Variants in SYNE3 observed in about 807,000 individuals in gnomAD.
SYNE3 encodes the protein spectrin repeat containing nuclear envelope family member 3.
Under a neutral mutation model 111.2 loss-of-function variants are expected in SYNE3, and 100 were observed. The ratio of observed to expected loss-of-function variants is 0.90; its 90% CI spans 0.77 to 1.06. The LOEUF is 1.06. Ranked by LOEUF, SYNE3 falls within the 50% of genes least tolerant of loss-of-function variation. SYNE3 has a pLI of 0.00. For synonymous variants in SYNE3, 547 were observed against 533.9 expected (o/e 1.02, Z -0.34); for missense variants, 1,160 against 1,240.3 (o/e 0.94, Z 0.97).
Position 95,440,055 on chromosome 14 carries a change from C to T in SYNE3, c.1932G>A (p.Arg644=). 3 of 1,605,672 alleles carry T rather than the reference C, an allele frequency of 1.9e-6. No individual in the cohort carries two copies. Among genetic ancestry groups the T allele is most frequent in the Non-Finnish European group, 1.7e-6 (2 of 1,179,394 alleles). The change falls in exon 12 of 18, where the codon CGG becomes CGA. Residue 644 remains arginine (R), a synonymous_variant. Coordinates refer to ENST00000682763, the MANE Select transcript of SYNE3 (RefSeq NM_152592.6). ...RSLEDLVDRC[R]QSVQEHCTFS... ...AGGTGCAGTGCTCCTGCACACTCTG[C>T]CGACACCTGTCCACAAGGTCCTGCA...
At position 95,409,332 on chromosome 14, in the gene SYNE3, GT is replaced by G; in HGVS notation, c.*8493del. Reference sequence around the variant, plus strand: ...ACCATATTGCAGGCGCTCGGGGTATGTTTTCTTCCCTCCCTTTCTCATCAGA... The same window carrying G: ...ACCATATTGCAGGCGCTCGGGGTATGTTTCTTCCCTCCCTTTCTCATCAGA... On this transcript the variant is annotated 3_prime_UTR_variant, in exon 18 of 18. Transcript: ENST00000682763. 2.2e-6 allele frequency: 1 copy of G among 456,746 alleles called. No individual in the cohort carries two copies. Among genetic ancestry groups the G allele is most frequent in the Non-Finnish European group, 4.4e-6 (1 of 226,976 alleles). The allele number at this position is 456,746 out of a possible 1,614,324, so 28.3% of individuals were successfully genotyped here.
intron 1 of SYNE3, among the ~76,000 whole-genome samples, chr14:95,481,136 G>A (rs577576138): frequency 3.9e-5 from 6 of 152,374 alleles, no homozygotes; most frequent in Non-Finnish European, 5.9e-5. Flanking sequence ...AGATAAGAAT[G>A]CGCAGACTGC....
At chr14:95,429,247 C>T (rs936962012) in intron 17 of SYNE3, among the ~76,000 whole-genome samples, 4 of 152,332 alleles carry the variant, frequency 2.6e-5, no homozygotes, top group Non-Finnish European at 5.9e-5. Context: ...ACTTGAGAAC[C>T]TACTATGTGC....
intron 1 of SYNE3, among the ~76,000 whole-genome samples, chr14:95,498,029 T>TAA (rs59849522): frequency 5.2e-5 from 7 of 135,326 alleles, no homozygotes; most frequent in Non-Finnish European, 3.2e-5. Context: ...TCCCAACTCT[T>TAA]AAAAAAAAAA....
At chr14:95,442,758 G>A (rs1212465705) in intron 11 of SYNE3, among the ~76,000 whole-genome samples, 2 of 152,220 alleles carry the variant, frequency 1.3e-5, no homozygotes, top group Non-Finnish European at 2.9e-5. Context: ...CAAGGGACCC[G>A]AGGCCGCCTG....
Position 95,436,801 on chromosome 14 carries a change from C to A in SYNE3, c.2538+19G>T, listed in dbSNP as rs192178494. 2.9e-4 allele frequency: 467 copies of A among 1,612,760 alleles called. 1 individual carries two copies. In the African/African-American group the frequency reaches 4.9e-3, roughly 17 times the overall value. On this transcript the variant is annotated intron_variant, in intron 15 of 17. Transcript: ENST00000682763. ...GGGTGCAAACCTTATGGATGAGGGA[C>A]CTTTCCTGGGGAACAGACCTGCAGC... is the stretch of plus-strand genomic sequence containing the variant.
intron 4 of SYNE3, among the ~76,000 whole-genome samples, chr14:95,461,521 G>A (rs1463262597): frequency 6.6e-6 from 1 of 152,230 alleles, no homozygotes; most frequent in Non-Finnish European, 1.5e-5. Flanking sequence ...CTCCAGTTCA[G>A]GGAGGACCCC....
intron 1 of SYNE3, among the ~76,000 whole-genome samples, chr14:95,481,955 G>C (rs1889284792): frequency 6.6e-6 from 1 of 152,218 alleles, no homozygotes; most frequent in South Asian, 2.1e-4. Flanking sequence ...TGAGGGCCCT[G>C]TGTCCTGGGG....
chr14:95,508,115 A>G (rs1890594018), intron 1 of SYNE3, among the ~76,000 whole-genome samples: 1 of 152,184 alleles, frequency 6.6e-6, no homozygotes, highest in Admixed American at 6.5e-5. Context: ...ACCTGCCAGA[A>G]CTCTGGGATC....
Position 95,433,341 on chromosome 14 carries a change from C to A in SYNE3, c.2607G>T (p.Arg869Ser), listed in dbSNP as rs373985574. 35 of 1,614,020 alleles carry A rather than the reference C, an allele frequency of 2.2e-5. No homozygotes were observed. The African/African-American group carries it at 4.4e-4, about 20-fold the overall frequency. ...FENLLRLGPA[R>S]GTSDELEDLR... is the part of the protein sequence containing the mutation. ...GATCTTCCAGCTCATCCGAGGTCCC[C>A]CTTGCTGGCCCGAGACGAAGGAGGT... Residue 869 changes from arginine to serine, a missense_variant, in exon 16 of 18, where the codon AGG (arginine) becomes AGT (serine). By Grantham distance (110) the Arg-to-Ser change is moderately radical (BLOSUM62 -1). Coordinates refer to ENST00000682763, the MANE Select transcript of SYNE3 (RefSeq NM_152592.6).
In SYNE3 at chr14:95,485,755, C is replaced by T. The variant is rs1889513231; in HGVS notation, c.-14-9920G>A. On this transcript the variant is annotated intron_variant, in intron 1 of 17. Transcript: ENST00000682763. The surrounding 1 kb of genome is among the most constrained non-coding windows in gnomAD (Gnocchi z 4.3). ...AATGACTGACACAGCCATGGCCACT[C>T]CTATGCAGACATCCATCTCAGCCTG... Among the ~76,000 whole-genome samples the T allele has an allele frequency of 6.6e-6, 1 of 152,190 alleles. No homozygotes were observed. Among genetic ancestry groups the T allele is most frequent in the Non-Finnish European group, 1.5e-5 (1 of 68,026 alleles).
chr14:95,458,595 C>T (rs758267870), intron 4 of SYNE3, among the ~76,000 whole-genome samples: 2 of 152,188 alleles, frequency 1.3e-5, no homozygotes, highest in African/African-American at 4.8e-5. Flanking sequence ...AGGCCATGCC[C>T]ACTGCCCCAG....
Position 95,467,781 on chromosome 14 carries a change from C to T in SYNE3, c.317+14G>A. The T allele has an allele frequency of 6.2e-7, 1 of 1,613,872 alleles. No individual in the cohort carries two copies. The highest frequency in any genetic ancestry group is 8.5e-7 in the Non-Finnish European group (1 of 1,179,906). ...GTAAATGGCAGCTGTGGACAAAGGC[C>T]CTGGATGCCCTACCTGTGACAGTGA... is the stretch of plus-strand genomic sequence containing the variant. On this transcript the variant is annotated intron_variant, in intron 3 of 17. Coordinates refer to ENST00000682763, the MANE Select transcript of SYNE3 (RefSeq NM_152592.6).
At chr14:95,443,429 G>GA in intron 10 of SYNE3, 140 bp from the exon 11 acceptor site, 1 of 1,085,606 alleles carries the variant, frequency 9.2e-7, no homozygotes, top group East Asian at 2.6e-5. Flanking sequence ...CATACCAGCG[G>GA]AAGTACCAAC....
intron 17 of SYNE3, among the ~76,000 whole-genome samples, chr14:95,430,593 G>A (rs1162105699): frequency 1.3e-5 from 2 of 152,194 alleles, no homozygotes; most frequent in African/African-American, 4.8e-5. Flanking sequence ...GGAGGCCGAA[G>A]AGGGTGGATC....
At chr14:95,479,948 C>T (rs892035771) in intron 1 of SYNE3, among the ~76,000 whole-genome samples, 8 of 152,088 alleles carry the variant, frequency 5.3e-5, no homozygotes, top group East Asian at 1.9e-4. Context: ...CAGACGCACA[C>T]GGCCAAGGAC....
intron 9 of SYNE3, among the ~76,000 whole-genome samples, chr14:95,445,164 C>G (rs190034112): frequency 9.8e-4 from 149 of 152,252 alleles, no homozygotes; most frequent in South Asian, 3.7e-3. Flanking sequence ...CTTTCTTCAT[C>G]CCCCCAGCTC....
chr14:95,443,968 T>A (rs931417119), intron 10 of SYNE3: 1 of 154,474 alleles, frequency 6.5e-6, no homozygotes, highest in Non-Finnish European at 1.4e-5. Context: ...CGGCCTAAAA[T>A]GCACTATTTT....
intron 17 of SYNE3, among the ~76,000 whole-genome samples, chr14:95,424,145 G>T (rs1418766731): frequency 6.6e-6 from 1 of 152,194 alleles, no homozygotes; most frequent in East Asian, 1.9e-4. Flanking sequence ...TGAAGACAGT[G>T]CATAACCACA....
Sources: gnomAD v4.1 joint callset for allele counts (sites outside exome capture counted in the v4.1 genomes callset) on GRCh38, gnomAD v4.1.1 for gene constraint, Gnocchi (gnomAD v3.1) non-coding constraint, MANE v1.5 for transcripts, NCBI Gene and HGNC (gene_info 2026-07-23, HGNC 2026-07-21) for gene names.